Variants in JAKMIP3 observed in about 807,000 individuals in gnomAD.
JAKMIP3 encodes janus kinase and microtubule-interacting protein 3.
A neutral mutation model predicts 118.5 loss-of-function variants in JAKMIP3; 58 were observed. That is an observed-to-expected ratio of 0.49 (90% CI 0.40 to 0.61). The LOEUF is 0.61. Among genes scored for constraint, JAKMIP3 ranks in the 20% least tolerant of loss-of-function variants. The pLI is 0.00. For missense variants in JAKMIP3, 950 were observed against 1,109.0 expected (o/e 0.86, Z 2.04); for synonymous variants, 486 against 451.2 (o/e 1.08, Z -0.98).
chr10:132,066,920 A>G (rs542368905), intron 1 of JAKMIP3, among the ~76,000 whole-genome samples: 9 of 152,260 alleles, frequency 5.9e-5, no homozygotes, highest in Middle Eastern at 3.4e-3. Context: ...CTAGGGATGT[A>G]AATACTTGCT....
rs1472728029 is a variant in JAKMIP3, at chr10:132,168,248, T to C, written c.*318T>C. On this transcript the variant is annotated 3_prime_UTR_variant, in exon 23 of 24. Coordinates refer to ENST00000684848, the MANE Select transcript of JAKMIP3 (RefSeq NM_001323087.2). ...GCAGCCCCCATCCCATTTCCAGGGA[T>C]GTGTAGCATTCCCTGCCAAGCAGGG... 2.3e-6 allele frequency: 3 copies of C among 1,289,252 alleles called. No homozygotes were observed. The East Asian group carries it at 1.7e-4, about 72-fold the overall frequency. 79.9% of individuals were successfully genotyped at this position (1,289,252 alleles called of 1,614,324 possible).
chr10:132,172,705 G>A (rs544370833), intron 23 of JAKMIP3, among the ~76,000 whole-genome samples: 5 of 151,924 alleles, frequency 3.3e-5, no homozygotes, highest in African/African-American at 4.8e-5. Flanking sequence ...CCAGGCCGGC[G>A]CCCTGCAAAG....
chr10:132,045,172 A>G (rs9419164), intron 1 of JAKMIP3, among the ~76,000 whole-genome samples: 93,689 of 151,834 alleles, frequency 0.62, 29,621 homozygotes, highest in East Asian at 0.97. Context: ...CCACATCCTC[A>G]CAACGCTCCC....
chr10:132,117,570 G>C lies in JAKMIP3; in HGVS notation c.629G>C (p.Arg210Thr), dbSNP rs2047876502. Residue 210 changes from arginine (R) to threonine (T), a missense_variant, in exon 3 of 24, where the codon AGG becomes ACG. Arg to Thr is a moderately conservative substitution (Grantham distance 71). Coordinates refer to ENST00000684848, the MANE Select transcript of JAKMIP3 (RefSeq NM_001323087.2). This position sits in a 1 kb window ranked among gnomAD's most constrained non-coding sequence, Gnocchi z 8.6. ...AAGGAGTGCGAGCGGGAGATCCGCAGGCTGGTACGTGGGCAGGCAGGGGCG... is the reference window on the plus strand; with the variant it reads ...AAGGAGTGCGAGCGGGAGATCCGCACGCTGGTACGTGGGCAGGCAGGGGCG... ...IKKECEREIR[R>T]LMEEIKFKDR... The C allele has an allele frequency of 6.5e-7, 1 of 1,548,274 alleles. No homozygotes were observed. Among genetic ancestry groups the C allele is most frequent in the Non-Finnish European group, 8.7e-7 (1 of 1,145,072 alleles).
intron 1 of JAKMIP3, among the ~76,000 whole-genome samples, chr10:132,085,004 A>G (rs1189005218): frequency 6.6e-6 from 1 of 152,142 alleles, no homozygotes; most frequent in Non-Finnish European, 1.5e-5. Flanking sequence ...TTTAGCATCT[A>G]TGTTCATCAA....
intron 1 of JAKMIP3, among the ~76,000 whole-genome samples, chr10:132,067,387 G>A (rs1042811180): frequency 7.9e-5 from 12 of 152,072 alleles, no homozygotes; most frequent in Admixed American, 1.3e-4. Flanking sequence ...GAACATGCAC[G>A]GAGCTCCTGC....
chr10:132,133,626 A>G, intron 4 of JAKMIP3, 99 bp downstream of exon 4: 1 of 1,158,362 alleles, frequency 8.6e-7, no homozygotes, highest in Non-Finnish European at 1.2e-6. Flanking sequence ...AGGAGACCAG[A>G]GCCCGAGTTG....
At chr10:132,177,148 T>G (rs2060216117) in intron 23 of JAKMIP3, among the ~76,000 whole-genome samples, 1 of 152,260 alleles carries the variant, frequency 6.6e-6, no homozygotes, top group Non-Finnish European at 1.5e-5. Flanking sequence ...GCGGGCCAGC[T>G]GTCTTGCAAT....
At chr10:132,057,730 C>A (rs1483186121) in intron 1 of JAKMIP3, among the ~76,000 whole-genome samples, 1 of 152,156 alleles carries the variant, frequency 6.6e-6, no homozygotes, top group East Asian at 1.9e-4. Flanking sequence ...GCTGGGTGCT[C>A]AGGGCTGAAA....
rs532422305 is a variant in JAKMIP3 at position 132,150,299 on chromosome 10, C to T, written c.2007+258C>T. Among the ~76,000 whole-genome samples, 5 of 152,150 alleles carry T rather than the reference C, an allele frequency of 3.3e-5. No homozygotes were observed. In the South Asian group the frequency reaches 6.2e-4, roughly 19 times the overall value. ...CATCACATTGCCCAGCTTCTGGGAT[C>T]TCTCAGCCCTTCCATACTTGCCATG... On this transcript the variant is annotated intron_variant, in intron 16 of 23. Coordinates refer to ENST00000684848, the MANE Select transcript of JAKMIP3 (RefSeq NM_001323087.2).
At chr10:132,065,582 C>T (rs1029951125), upstream of JAKMIP3, among the ~76,000 whole-genome samples, 4 of 152,126 alleles carry the variant, frequency 2.6e-5, no homozygotes, top group African/African-American at 9.7e-5. This position sits in a 1 kb window ranked among gnomAD's most constrained non-coding sequence, Gnocchi z 5.6. Flanking sequence ...GCCTCTGCCG[C>T]TCGCTGGTTT....
chr10:132,062,582 T>C (rs1355704053), upstream of JAKMIP3, among the ~76,000 whole-genome samples: 1 of 152,228 alleles, frequency 6.6e-6, no homozygotes, highest in East Asian at 1.9e-4. Context: ...GACATGACGT[T>C]GAGTGAAAAA....
intron 19 of JAKMIP3, among the ~76,000 whole-genome samples, chr10:132,154,829 ATGGTGATGGTGGTGGCGGTGGTGG>A (rs994320072): frequency 7.2e-5 from 8 of 110,438 alleles, no homozygotes; most frequent in Admixed American, 3.8e-4. Context: ...GGCAATGGCA[ATGGTGATGGTGGTGGCGGTGGTGG>A]TGGTGATGGT....
At chr10:132,178,077 C>A (rs183671214) in intron 23 of JAKMIP3, among the ~76,000 whole-genome samples, 135 of 152,368 alleles carry the variant, frequency 8.9e-4, no homozygotes, top group Non-Finnish European at 1.1e-3. Flanking sequence ...TTCACTGTCC[C>A]ACCTGCCACC....
At chr10:132,088,197 A>G (rs2134349441) in intron 1 of JAKMIP3, among the ~76,000 whole-genome samples, 1 of 152,210 alleles carries the variant, frequency 6.6e-6, no homozygotes, top group African/African-American at 2.4e-5. Context: ...TAGCAGCATG[A>G]TTTATAATCC....
chr10:132,055,255 C>A (rs1368999720), intron 1 of JAKMIP3, among the ~76,000 whole-genome samples: 1 of 152,148 alleles, frequency 6.6e-6, no homozygotes, highest in Non-Finnish European at 1.5e-5. Flanking sequence ...CTTTTCAAGA[C>A]CTTTACAAAT....
At chr10:132,159,654 C>CTA (rs2057711899) in intron 19 of JAKMIP3, among the ~76,000 whole-genome samples, 2 of 78,036 alleles carry the variant, frequency 2.6e-5, no homozygotes, top group Non-Finnish European at 5.4e-5. Context: ...GGGCCTCTCC[C>CTA]TGTGTGATGC....
rs1290472885 is a variant in JAKMIP3 at position 132,159,672 on chromosome 10, TCCTCTCCCTATGTGATGCTCAGGGGG to T, written c.2221-3527_2221-3502del. ...CCTCTCCCTGTGTGATGCTGGGGGGTCCTCTCCCTATGTGATGCTCAGGGGGCCTCTCCCTGTGTGATGCTGGGGGC... is the reference window on the plus strand; with the variant it reads ...CCTCTCCCTGTGTGATGCTGGGGGGTCCTCTCCCTGTGTGATGCTGGGGGC... On this transcript the variant is annotated intron_variant, in intron 19 of 23. Coordinates refer to ENST00000684848, the MANE Select transcript of JAKMIP3 (RefSeq NM_001323087.2). 2.7e-4 allele frequency among the ~76,000 whole-genome samples: 9 copies of T among 33,012 alleles called. No homozygotes were observed. The East Asian group carries it at 6.7e-3, about 24-fold the overall frequency. 21.7% of individuals were successfully genotyped at this position (33,012 alleles called of 152,430 possible).
At chr10:132,153,602 G>A (rs932772488) in intron 17 of JAKMIP3, among the ~76,000 whole-genome samples, 157 bp from the exon 18 acceptor site, 18 of 152,172 alleles carry the variant, frequency 1.2e-4, no homozygotes, top group African/African-American at 4.3e-4. Context: ...CATGATGCCA[G>A]CGCAGCCTCA....
Sources: gnomAD v4.1 joint callset for allele counts (sites outside exome capture counted in the v4.1 genomes callset) on GRCh38, gnomAD v4.1.1 for gene constraint, Gnocchi (gnomAD v3.1) non-coding constraint, MANE v1.5 for transcripts, NCBI Gene and HGNC (gene_info 2026-07-23, HGNC 2026-07-21) for gene names.